Variants in IL1RAPL1 observed in about 807,000 individuals in gnomAD.
IL1RAPL1 encodes the protein interleukin 1 receptor accessory protein like 1.
In IL1RAPL1, 3 loss-of-function variants were observed where a neutral mutation model predicts 48.4. That is an observed-to-expected ratio of 0.06 (90% CI 0.03 to 0.16). The LOEUF is 0.16. Among genes scored for constraint, IL1RAPL1 ranks in the 10% least tolerant of loss-of-function variants. The pLI is 1.00. For synonymous variants in IL1RAPL1, 185 were observed against 187.7 expected (o/e 0.99, Z 0.12); for missense variants, 349 against 530.6 (o/e 0.66, Z 3.36).
chrX:29,722,039 C>T (rs1333489744), intron 6 of IL1RAPL1, among the ~76,000 whole-genome samples: 3 of 110,922 alleles, frequency 2.7e-5, no homozygotes, highest in African/African-American at 9.8e-5. Context: ...TCTTTTTGCC[C>T]ACTTTTCTAT....
At chrX:29,588,923 A>G (rs1394342419) in intron 5 of IL1RAPL1, among the ~76,000 whole-genome samples, 1 of 112,068 alleles carries the variant, frequency 8.9e-6, no homozygotes, top group East Asian at 2.8e-4. Flanking sequence ...TATTTGGAGC[A>G]AGCCGTGCTC....
intron 6 of IL1RAPL1, among the ~76,000 whole-genome samples, chrX:29,669,155 T>A (rs371594852): frequency 1.8e-5 from 2 of 111,584 alleles, no homozygotes; most frequent in East Asian, 5.6e-4. Flanking sequence ...TATATTCAGT[T>A]ATACTAAATT....
intron 5 of IL1RAPL1, among the ~76,000 whole-genome samples, chrX:29,615,243 A>G (rs1924250741): frequency 8.9e-6 from 1 of 112,360 alleles, no homozygotes; most frequent in Admixed American, 9.5e-5. Context: ...CTCCTTACAG[A>G]GAAGAAAATG....
In IL1RAPL1 at chrX:29,160,096, C is replaced by T. The variant is rs911966548; in HGVS notation, c.83-122842C>T. 3.6e-5 allele frequency among the ~76,000 whole-genome samples: 4 copies of T among 111,984 alleles called. No homozygotes were observed. The East Asian group carries it at 8.4e-4, about 24-fold the overall frequency. ...AATGTCCTTATGTGGTAGGACACTA[C>T]GTTTTCTGAAAAATTGCTTATTAAT... On this transcript the variant is annotated intron_variant, in intron 2 of 10. Transcript: ENST00000378993.
At chrX:29,260,836 T>G (rs759612773) in intron 2 of IL1RAPL1, among the ~76,000 whole-genome samples, 1 of 109,703 alleles carries the variant, frequency 9.1e-6, no homozygotes, top group South Asian at 3.8e-4. Flanking sequence ...TATCATAACT[T>G]GCATTCTCAT....
chrX:28,814,230 A>G (rs1267073870), intron 2 of IL1RAPL1, among the ~76,000 whole-genome samples: 1 of 110,446 alleles, frequency 9.1e-6, no homozygotes, highest in African/African-American at 3.3e-5. Context: ...GGAAAGGAGC[A>G]GATAATGGTT....
intron 5 of IL1RAPL1, among the ~76,000 whole-genome samples, chrX:29,539,560 G>T (rs1256684416): frequency 9.0e-6 from 1 of 111,129 alleles, no homozygotes; most frequent in Non-Finnish European, 1.9e-5. Context: ...GGTGGGTCCT[G>T]TTGGGAGGTG....
intron 5 of IL1RAPL1, among the ~76,000 whole-genome samples, chrX:29,544,023 A>G (rs1921527776): frequency 8.9e-6 from 1 of 112,231 alleles, no homozygotes; most frequent in Admixed American, 9.5e-5. Context: ...AGCAGCATTC[A>G]AAAGTATTTT....
intron 1 of IL1RAPL1, among the ~76,000 whole-genome samples, chrX:28,725,888 A>G (rs1465000649): frequency 3.6e-5 from 4 of 112,404 alleles, no homozygotes; most frequent in Non-Finnish European, 5.6e-5. Context: ...GAGACTATTT[A>G]TGCATTTTTG....
At chrX:29,060,814 ATTAAATGTACAT>A (rs1228418275) in intron 2 of IL1RAPL1, among the ~76,000 whole-genome samples, 1 of 112,013 alleles carries the variant, frequency 8.9e-6, no homozygotes, top group East Asian at 2.8e-4. Context: ...CTATTTCTCA[ATTAAATGTACAT>A]TTTAATATTA....
chrX:29,424,105 T>G (rs1934322684), intron 5 of IL1RAPL1, among the ~76,000 whole-genome samples: 1 of 111,215 alleles, frequency 9.0e-6, no homozygotes, highest in Admixed American at 9.6e-5. Context: ...GAGATGATCA[T>G]GAAAAGTTTC....
chrX:29,008,122 C>T (rs1376773445), intron 2 of IL1RAPL1, among the ~76,000 whole-genome samples: 1 of 111,242 alleles, frequency 9.0e-6, no homozygotes, highest in Non-Finnish European at 1.9e-5. Flanking sequence ...CTGCCTCAGC[C>T]TCCTGAGTAG....
chrX:28,819,240 T>C (rs960662139), intron 2 of IL1RAPL1, among the ~76,000 whole-genome samples: 1 of 111,312 alleles, frequency 9.0e-6, no homozygotes, highest in African/African-American at 3.2e-5. Flanking sequence ...AATCTTCGGA[T>C]CCTTTAAGAA....
At chrX:29,473,877 A>G (rs140476906) in intron 5 of IL1RAPL1, among the ~76,000 whole-genome samples, 3 of 111,869 alleles carry the variant, frequency 2.7e-5, no homozygotes, top group South Asian at 3.7e-4. Context: ...CAGGAACTCA[A>G]TCAGTATTTC....
chrX:29,823,248 G>T (rs954002149), intron 6 of IL1RAPL1, among the ~76,000 whole-genome samples: 1 of 111,561 alleles, frequency 9.0e-6, no homozygotes, highest in Admixed American at 9.5e-5. Flanking sequence ...ACTATGAGAT[G>T]AATTTAATTG....
Position 29,954,550 on chromosome X carries a change from A to T in IL1RAPL1, c.1230A>T (p.Ser410=). 2 of 1,211,083 alleles carry T rather than the reference A, an allele frequency of 1.7e-6. No individual in the cohort carries two copies. Among genetic ancestry groups the T allele is most frequent in the Non-Finnish European group, 2.2e-6 (2 of 894,669 alleles). The change falls in exon 10 of 11, where the codon TCA becomes TCT. Residue 410 remains serine, a synonymous_variant. Coordinates refer to ENST00000378993, the MANE Select transcript of IL1RAPL1 (RefSeq NM_014271.4). ...ATAAAGATTATGATGCATACTTATC[A>T]TACACCAAAGTGGATCCTGACCAGT... is the stretch of plus-strand genomic sequence containing the variant. ...GDNKDYDAYL[S]YTKVDPDQWN... is the part of the protein sequence containing the mutation.
At chrX:29,341,350 T>C (rs770171727) in intron 3 of IL1RAPL1, among the ~76,000 whole-genome samples, 36 of 112,329 alleles carry the variant, frequency 3.2e-4, no homozygotes, top group Non-Finnish European at 5.8e-4. Flanking sequence ...TATAATCTAT[T>C]CTTTTATTAA....
intron 2 of IL1RAPL1, among the ~76,000 whole-genome samples, chrX:28,800,835 A>G (rs1252870197): frequency 9.5e-6 from 1 of 105,394 alleles, no homozygotes; most frequent in African/African-American, 3.5e-5. Flanking sequence ...GGGCCTTTGC[A>G]TATTAAAGGG....
intron 2 of IL1RAPL1, among the ~76,000 whole-genome samples, chrX:29,217,414 C>T (rs1930890799): frequency 1.8e-5 from 2 of 112,337 alleles, no homozygotes; most frequent in South Asian, 3.6e-4. Flanking sequence ...ATAGCTGTTA[C>T]AGCAGAAGAA....
Sources: allele counts gnomAD v4.1 joint callset (sites outside exome capture counted in the v4.1 genomes callset), GRCh38; gene constraint gnomAD v4.1.1; transcripts MANE v1.5; gene names NCBI Gene and HGNC (gene_info 2026-07-23, HGNC 2026-07-21).